ZBTB20: variants seen among roughly 807,000 people sequenced by gnomAD.
ZBTB20 encodes the protein zinc finger and BTB domain-containing protein 20.
Under a neutral mutation model 56.9 loss-of-function variants are expected in ZBTB20, and 9 were observed. That is an observed-to-expected ratio of 0.16 (90% CI 0.10 to 0.28). ZBTB20 has a LOEUF of 0.28. ZBTB20 is among the 10% of genes least tolerant of loss of function. The probability of loss-of-function intolerance (pLI) is 1.00; values close to 1 mark genes in which losing one functional copy is unlikely to be tolerated. For synonymous variants in ZBTB20, 417 were observed against 420.7 expected, an observed-to-expected ratio of 0.99 and a Z score of 0.11; for missense variants, 655 against 1,003.0, an observed-to-expected ratio of 0.65 and a Z score of 4.69.
At chr3:114,441,463 C>G (rs1245898425) in intron 7 of ZBTB20, among the ~76,000 whole-genome samples, 1 of 152,122 alleles carries the variant, frequency 6.6e-6, no homozygotes, top group Non-Finnish European at 1.5e-5. Flanking sequence ...GGAAACTGCA[C>G]TATCAAAACC....
intron 10 of ZBTB20, among the ~76,000 whole-genome samples, chr3:114,377,139 A>G (rs1014241806): frequency 6.6e-6 from 1 of 152,178 alleles, no homozygotes; most frequent in Non-Finnish European, 1.5e-5. Context: ...CTGCTCTATC[A>G]AACACCTAGG....
At chr3:115,116,088 T>C (rs1041661206) in intron 1 of ZBTB20, among the ~76,000 whole-genome samples, 1 of 152,068 alleles carries the variant, frequency 6.6e-6, no homozygotes, top group African/African-American at 2.4e-5. Flanking sequence ...TTTCAGTCAG[T>C]TGTCTGTTTT....
chr3:114,510,003 G>A (rs1306455384), intron 6 of ZBTB20, among the ~76,000 whole-genome samples: 1 of 152,078 alleles, frequency 6.6e-6, no homozygotes, highest in African/African-American at 2.4e-5. Context: ...ACAGCTGAAC[G>A]AATCTCAGCA....
intron 6 of ZBTB20, among the ~76,000 whole-genome samples, chr3:114,677,038 T>C (rs2061672491): frequency 6.6e-6 from 1 of 152,116 alleles, no homozygotes; most frequent in Non-Finnish European, 1.5e-5. Context: ...CCCAAAGTGC[T>C]GGGATTACAG....
At chr3:114,376,531 C>T (rs868006561) in intron 10 of ZBTB20, among the ~76,000 whole-genome samples, 16 of 151,918 alleles carry the variant, frequency 1.1e-4, no homozygotes, top group Admixed American at 3.3e-4. Flanking sequence ...CAGACTTGGG[C>T]GGGTGAAGCA....
At chr3:115,127,016 T>C (rs759275974) in intron 1 of ZBTB20, among the ~76,000 whole-genome samples, 11 of 152,246 alleles carry the variant, frequency 7.2e-5, no homozygotes, top group Non-Finnish European at 1.3e-4. Context: ...ACACTTTCTG[T>C]ACATATGAAT....
At chr3:114,398,690 A>C (rs1215339526) in intron 7 of ZBTB20, among the ~76,000 whole-genome samples, 2 of 152,230 alleles carry the variant, frequency 1.3e-5, no homozygotes, top group African/African-American at 4.8e-5. Flanking sequence ...TAAAATTACC[A>C]TTCATAATCA....
chr3:114,683,586 A>C (rs2062122875), intron 6 of ZBTB20, among the ~76,000 whole-genome samples: 1 of 152,198 alleles, frequency 6.6e-6, no homozygotes, highest in Non-Finnish European at 1.5e-5. Flanking sequence ...TGAGATTTAC[A>C]CAAAATGGCT....
rs1407097981 is a variant in ZBTB20, at chr3:114,317,380, AC to A, written c.*21624del. The stretch of plus-strand genomic sequence containing the variant: ...TCTAAACACACCCACACCACCCCCA[AC>A]CCCCCATGCCCACCCCACACCAAAA... On this transcript the variant is annotated 3_prime_UTR_variant, in exon 12 of 12. Transcript: ENST00000675478. The A allele has an allele frequency of 6.6e-6, 1 of 150,910 alleles. No homozygotes were observed. Among genetic ancestry groups the A allele is most frequent in the African/African-American group, 2.4e-5 (1 of 40,954 alleles). The allele number at this position is 150,910 out of a possible 1,614,324, so 9.3% of individuals were successfully genotyped here.
intron 6 of ZBTB20, among the ~76,000 whole-genome samples, chr3:114,526,173 C>T (rs549531761): frequency 6.6e-6 from 1 of 152,198 alleles, no homozygotes; most frequent in East Asian, 1.9e-4. Context: ...CTCGATTTGC[C>T]CTTTGTCTCA....
intron 7 of ZBTB20, among the ~76,000 whole-genome samples, chr3:114,394,147 G>A (rs1370784467): frequency 6.6e-6 from 1 of 152,144 alleles, no homozygotes; most frequent in Non-Finnish European, 1.5e-5. Context: ...ACTGCACCAG[G>A]CATTTTTATA....
chr3:115,138,732 T>A (rs999652664), intron 1 of ZBTB20, among the ~76,000 whole-genome samples: 2 of 152,052 alleles, frequency 1.3e-5, no homozygotes, highest in Non-Finnish European at 2.9e-5. Context: ...ACTGAAAAAA[T>A]GCAGATATAA....
intron 4 of ZBTB20, among the ~76,000 whole-genome samples, chr3:114,871,965 G>C (rs898792807): frequency 2.6e-5 from 4 of 151,904 alleles, no homozygotes; most frequent in African/African-American, 9.7e-5. Context: ...CCAACTTTAT[G>C]TATGCATGAG....
chr3:114,940,120 A>G (rs565890847), intron 3 of ZBTB20, among the ~76,000 whole-genome samples: 1 of 146,190 alleles, frequency 6.8e-6, no homozygotes, highest in South Asian at 2.1e-4. Context: ...AAACAGTTTG[A>G]GAGTCACCAT....
chr3:114,762,259 T>TCACTGGGGAAGCCAC (rs2068494116), intron 5 of ZBTB20, among the ~76,000 whole-genome samples: 2 of 152,202 alleles, frequency 1.3e-5, no homozygotes, highest in Admixed American at 1.3e-4. Flanking sequence ...TATTTGGTAC[T>TCACTGGGGAAGCCAC]CACTGGGGAA....
chr3:114,360,215 C>G (rs2081673749), intron 10 of ZBTB20, among the ~76,000 whole-genome samples: 1 of 151,818 alleles, frequency 6.6e-6, no homozygotes, highest in South Asian at 2.1e-4. Context: ...TGAAGCAGGT[C>G]TTCAAATTCA....
intron 3 of ZBTB20, among the ~76,000 whole-genome samples, chr3:114,939,655 C>G (rs920574851): frequency 6.9e-6 from 1 of 145,956 alleles, no homozygotes; most frequent in Admixed American, 6.6e-5. Context: ...AAATATGAAG[C>G]TATAGAAGAG....
chr3:114,910,853 T>C (rs2075506925), intron 3 of ZBTB20, among the ~76,000 whole-genome samples: 1 of 152,036 alleles, frequency 6.6e-6, no homozygotes, highest in African/African-American at 2.4e-5. Flanking sequence ...GCTGTCTCCC[T>C]AACACTTCAC....
rs569614782 is a variant in ZBTB20 at position 115,009,866 on chromosome 3, G to A, written c.-506-35450C>T. ...CCCTTTTATAGGGCTTCACAGCCTC[G>A]AGAACAGTGAGCAATAAATTTTTCT... On this transcript the variant is annotated intron_variant, in intron 2 of 11. Coordinates refer to ENST00000675478, the MANE Select transcript of ZBTB20 (RefSeq NM_001348800.3). 1.1e-3 allele frequency among the ~76,000 whole-genome samples: 160 copies of A among 151,938 alleles called. 2 individuals are homozygous for A. The highest frequency in any genetic ancestry group is 1.6e-3 in the Non-Finnish European group (111 of 67,880).
Sources: gnomAD v4.1 joint callset for allele counts (sites outside exome capture counted in the v4.1 genomes callset) on GRCh38, gnomAD v4.1.1 for gene constraint, MANE v1.5 for transcripts, NCBI Gene and HGNC (gene_info 2026-07-23, HGNC 2026-07-21) for gene names.